CAMTA1: variants seen among roughly 807,000 people sequenced by gnomAD.
CAMTA1 encodes calmodulin-binding transcription activator 1.
In CAMTA1, 27 loss-of-function variants were observed where a neutral mutation model predicts 170.9. The observed-to-expected ratio is 0.16, with a 90% CI of 0.12 to 0.22. CAMTA1 has a LOEUF of 0.22. Among genes scored for constraint, CAMTA1 ranks in the 10% least tolerant of loss-of-function variants. The pLI is 1.00. For synonymous variants in CAMTA1, 833 were observed against 891.5 expected, an observed-to-expected ratio of 0.93 and a Z score of 1.17; for missense variants, 1,619 against 2,217.2, an observed-to-expected ratio of 0.73 and a Z score of 5.42.
chr1:7,042,399 TG>T lies in CAMTA1; in HGVS notation c.235-48899del, dbSNP rs147841007. Among the ~76,000 whole-genome samples, 48 of 152,194 alleles carry T rather than the reference TG, an allele frequency of 3.2e-4. 1 individual carries two copies. Among genetic ancestry groups the T allele is most frequent in the Middle Eastern group, 3.4e-3 (1 of 292 alleles). ...TCTTGGCTGGGACTTGTGATTCCAG[TG>T]GGGGGAAAGGAGCCCAGTTTCCCTG... On this transcript the variant is annotated intron_variant, in intron 3 of 22. Transcript: ENST00000303635.
At chr1:7,334,595 A>T (rs2083236320) in intron 5 of CAMTA1, among the ~76,000 whole-genome samples, 1 of 152,192 alleles carries the variant, frequency 6.6e-6, no homozygotes, top group African/African-American at 2.4e-5. Context: ...CAGTGTTTTC[A>T]TCTCCCCCGG....
At chr1:6,823,939 A>G (rs72854259) in intron 2 of CAMTA1, among the ~76,000 whole-genome samples, 1,879 of 152,300 alleles carry the variant, frequency 0.012, 34 homozygotes, top group African/African-American at 0.043. Context: ...AGAATTAGAG[A>G]TAATCTAATC....
At chr1:6,828,987 C>A (rs1648536824) in intron 3 of CAMTA1, among the ~76,000 whole-genome samples, 1 of 151,344 alleles carries the variant, frequency 6.6e-6, no homozygotes, top group Admixed American at 6.6e-5. Context: ...ACCTCCACCC[C>A]TCAGGTTCAA....
At chr1:7,564,831 G>GA (rs2095017514) in intron 6 of CAMTA1, among the ~76,000 whole-genome samples, 1 of 151,696 alleles carries the variant, frequency 6.6e-6, no homozygotes, top group Admixed American at 6.6e-5. Flanking sequence ...GACTGAGGCA[G>GA]AAAAAAGGAG....
rs567692046 is a variant in CAMTA1 at position 7,569,714 on chromosome 1, C to T, written c.511-70686C>T. Among the ~76,000 whole-genome samples the T allele has an allele frequency of 1.5e-4, 23 of 151,910 alleles. No individual in the cohort carries two copies. The East Asian group carries it at 3.5e-3, about 23-fold the overall frequency. Reference sequence around the variant, plus strand: ...TCCAACATCACCATCATCATCACCACCATTGTCATCAACATAACCATCAGC... The same window carrying T: ...TCCAACATCACCATCATCATCACCATCATTGTCATCAACATAACCATCAGC... On this transcript the variant is annotated intron_variant, in intron 6 of 22. Transcript: ENST00000303635.
At chr1:7,340,144 T>C (rs1296692577) in intron 5 of CAMTA1, among the ~76,000 whole-genome samples, 2 of 152,218 alleles carry the variant, frequency 1.3e-5, no homozygotes, top group African/African-American at 2.4e-5. Flanking sequence ...AAAGCAGCCA[T>C]AGACGATATG....
At chr1:6,849,139 C>A (rs1570889847) in intron 3 of CAMTA1, among the ~76,000 whole-genome samples, 1 of 152,078 alleles carries the variant, frequency 6.6e-6, no homozygotes, top group South Asian at 2.1e-4. Context: ...TATTCTGGAT[C>A]CTTTCACGGT....
At chr1:7,230,445 GCCCC>G (rs1445261158) in intron 4 of CAMTA1, among the ~76,000 whole-genome samples, 10 of 47,942 alleles carry the variant, frequency 2.1e-4, no homozygotes, top group African/African-American at 8.0e-4. Flanking sequence ...CCCCCCCCCC[GCCCC>G]GCAAAGCTCT....
Position 6,842,883 on chromosome 1 carries a change from C to A in CAMTA1, c.234+17673C>A, listed in dbSNP as rs1158036565. On this transcript the variant is annotated intron_variant, in intron 3 of 22. Transcript: ENST00000303635. ...AGGTTGCAGTGAGCTGAGGTCGTGC[C>A]ATTGCACTCCAGCCTGGGTGACAAG... Among the ~76,000 whole-genome samples, 7 of 151,394 alleles carry A rather than the reference C, an allele frequency of 4.6e-5. No homozygotes were observed. The East Asian group carries it at 1.4e-3, about 29-fold the overall frequency.
chr1:6,822,837 C>A (rs1422923576), intron 2 of CAMTA1, among the ~76,000 whole-genome samples: 1 of 151,898 alleles, frequency 6.6e-6, no homozygotes, highest in Non-Finnish European at 1.5e-5. Context: ...AACACACACA[C>A]ACGCACACTC....
chr1:6,828,978 C>T (rs1331428075), intron 3 of CAMTA1, among the ~76,000 whole-genome samples: 2 of 149,048 alleles, frequency 1.3e-5, no homozygotes, highest in Non-Finnish European at 3.0e-5. Flanking sequence ...CTCCCTGCAA[C>T]CTCCACCCCT....
intron 4 of CAMTA1, among the ~76,000 whole-genome samples, chr1:7,237,589 C>A (rs945392189): frequency 1.3e-5 from 2 of 152,208 alleles, no homozygotes; most frequent in African/African-American, 4.8e-5. Context: ...TCGATTCAAT[C>A]CCCAGTTGCT....
intron 3 of CAMTA1, among the ~76,000 whole-genome samples, chr1:6,994,375 T>G (rs1696866361): frequency 6.6e-6 from 1 of 152,220 alleles, no homozygotes; most frequent in Non-Finnish European, 1.5e-5. Context: ...GTGAATTTTC[T>G]TATATTTTAT....
chr1:7,670,335 CTG>C (rs968607053), intron 9 of CAMTA1, among the ~76,000 whole-genome samples: 26 of 152,350 alleles, frequency 1.7e-4, no homozygotes, highest in African/African-American at 5.8e-4. Context: ...TTTAGCTCCT[CTG>C]TTTCTTCATC....
At position 7,426,391 on chromosome 1, in the gene CAMTA1, G is replaced by A. The variant is rs998016562; in HGVS notation, c.439-41439G>A. ...TCCTGGCATCGGATATAGGACCAGC[G>A]GTAGTGATCTCCCCCAAAAAACTGC... On this transcript the variant is annotated intron_variant, in intron 5 of 22. Transcript: ENST00000303635. The surrounding 1 kb of genome is among the most constrained non-coding windows in gnomAD (Gnocchi z 4.8). Among the ~76,000 whole-genome samples, 6 of 152,152 alleles carry A rather than the reference G, an allele frequency of 3.9e-5. No individual in the cohort carries two copies. Among genetic ancestry groups the A allele is most frequent in the African/African-American group, 1.4e-4 (6 of 41,434 alleles).
At chr1:7,329,239 G>A (rs556247416) in intron 5 of CAMTA1, among the ~76,000 whole-genome samples, 1 of 151,968 alleles carries the variant, frequency 6.6e-6, no homozygotes, top group South Asian at 2.1e-4. Flanking sequence ...TTCTAATTAT[G>A]TTGGAGTTAC....
intron 4 of CAMTA1, among the ~76,000 whole-genome samples, chr1:7,100,254 C>T (rs1051725636): frequency 2.0e-5 from 3 of 152,172 alleles, no homozygotes; most frequent in Non-Finnish European, 2.9e-5. Flanking sequence ...AATGTGTTGG[C>T]GTCTCTTATC....
chr1:7,418,638 C>T (rs754693505), intron 5 of CAMTA1, among the ~76,000 whole-genome samples: 15 of 152,212 alleles, frequency 9.9e-5, no homozygotes, highest in East Asian at 1.9e-4. Context: ...CACTCCACAT[C>T]GCCACTTGGC....
chr1:7,387,359 C>A (rs975164836), intron 5 of CAMTA1, among the ~76,000 whole-genome samples: 4 of 152,156 alleles, frequency 2.6e-5, no homozygotes, highest in African/African-American at 7.2e-5. Context: ...ACCTCACAAT[C>A]CTAGTTTCTG....
Sources: allele counts gnomAD v4.1 joint callset (sites outside exome capture counted in the v4.1 genomes callset), GRCh38; gene constraint gnomAD v4.1.1; non-coding constraint Gnocchi (gnomAD v3.1); transcripts MANE v1.5; gene names NCBI Gene and HGNC (gene_info 2026-07-23, HGNC 2026-07-21).